The following ARL15 variants were observed in gnomAD, a reference collection of about 807,000 sequenced individuals.
ARL15 encodes ADP-ribosylation factor-like protein 15.
In ARL15, 19 loss-of-function variants were observed where a neutral mutation model predicts 25.2. The ratio of observed to expected loss-of-function variants is 0.75; its 90% CI spans 0.53 to 1.10. ARL15 has a LOEUF of 1.10. ARL15 is among the 50% of genes least tolerant of loss of function. The pLI, the probability that ARL15 is intolerant of heterozygous loss-of-function variation, is 0.00. For missense variants in ARL15, 220 were observed against 246.0 expected, an observed-to-expected ratio of 0.89 and a Z score of 0.71; for synonymous variants, 94 against 86.8, an observed-to-expected ratio of 1.08 and a Z score of -0.46.
intron 4 of ARL15, among the ~76,000 whole-genome samples, chr5:53,964,399 C>A (rs13175485): frequency 6.6e-6 from 1 of 151,588 alleles, no homozygotes; most frequent in South Asian, 2.1e-4. Flanking sequence ...TAGCTCTGTC[C>A]CCCATGCTGG....
At chr5:54,207,650 CA>C (rs2112498151) in intron 1 of ARL15, among the ~76,000 whole-genome samples, 1 of 152,230 alleles carries the variant, frequency 6.6e-6, no homozygotes, top group South Asian at 2.1e-4. Context: ...AGCAGAAGAA[CA>C]AGTGGTAACT....
At chr5:54,307,756 A>T (rs1031024108) in intron 1 of ARL15, 5 of 152,206 alleles carry the variant, frequency 3.3e-5, no homozygotes, top group African/African-American at 1.2e-4. Context: ...AAGAACAATG[A>T]ACAATAGATA....
intron 1 of ARL15, among the ~76,000 whole-genome samples, chr5:54,282,728 A>G (rs894781117): frequency 6.6e-6 from 1 of 152,218 alleles, no homozygotes; most frequent in Non-Finnish European, 1.5e-5. Flanking sequence ...ATAAAAGTCT[A>G]TAATCCTTAT....
At chr5:53,991,863 T>C (rs78777524) in intron 4 of ARL15, among the ~76,000 whole-genome samples, 3,326 of 152,108 alleles carry the variant, frequency 0.022, 148 homozygotes, top group African/African-American at 0.076. Flanking sequence ...AAACAACTAC[T>C]AAGGAGCTGT....
intron 4 of ARL15, among the ~76,000 whole-genome samples, chr5:54,078,902 G>C (rs1751699504): frequency 6.6e-6 from 1 of 152,018 alleles, no homozygotes; most frequent in Admixed American, 6.6e-5. Flanking sequence ...TAGTAGTAAA[G>C]TATCGCTTAA....
At chr5:54,220,298 A>T (rs1756334701) in intron 1 of ARL15, among the ~76,000 whole-genome samples, 1 of 152,138 alleles carries the variant, frequency 6.6e-6, no homozygotes, top group Non-Finnish European at 1.5e-5. Flanking sequence ...TGATTTATTT[A>T]TCTCCACTCC....
intron 4 of ARL15, among the ~76,000 whole-genome samples, chr5:54,041,508 T>C (rs1251986642): frequency 6.6e-6 from 1 of 152,136 alleles, no homozygotes; most frequent in South Asian, 2.1e-4. Context: ...AAGGACAGGA[T>C]AGGTTAATAG....
intron 4 of ARL15, among the ~76,000 whole-genome samples, chr5:53,902,089 C>T (rs2111942396): frequency 6.6e-6 from 1 of 152,328 alleles, no homozygotes; most frequent in Non-Finnish European, 1.5e-5. Context: ...CGTTAGCTGA[C>T]AAATGAACAA....
chr5:54,191,110 C>G (rs186119185), intron 1 of ARL15, among the ~76,000 whole-genome samples: 4 of 151,926 alleles, frequency 2.6e-5, no homozygotes, highest in Admixed American at 2.6e-4. Context: ...TACATATAAT[C>G]GATTACTATT....
rs573072383 is a variant in ARL15, at chr5:54,208,096, T to G, written c.49-36168A>C. 1.3e-3 allele frequency among the ~76,000 whole-genome samples: 193 copies of G among 152,252 alleles called. 1 individual carries two copies. The highest frequency in any genetic ancestry group is 4.6e-3 in the African/African-American group (190 of 41,558). On this transcript the variant is annotated intron_variant, in intron 1 of 4. Coordinates refer to ENST00000504924, the MANE Select transcript of ARL15 (RefSeq NM_019087.3). ...ATTCTCCAGGTGGGAGCCTGAAAGA[T>G]TCTTCTTTGGAATATCTAACTACCC...
At chr5:54,161,998 T>TAG (rs1554044517) in intron 2 of ARL15, among the ~76,000 whole-genome samples, 5 of 144,566 alleles carry the variant, frequency 3.5e-5, no homozygotes, top group Non-Finnish European at 6.0e-5. Flanking sequence ...CACACACACA[T>TAG]ACACACACAC....
rs976774651 is a variant in ARL15 at position 54,223,177 on chromosome 5, C to G, written c.49-51249G>C. ...TGGAAGGGTAAATGTCCTCCCTCCT[C>G]CTTTCATGAGAACACTAAACCATCC... On this transcript the variant is annotated intron_variant, in intron 1 of 4. Coordinates refer to ENST00000504924, the MANE Select transcript of ARL15 (RefSeq NM_019087.3). 1.2e-4 allele frequency among the ~76,000 whole-genome samples: 18 copies of G among 151,866 alleles called. No individual in the cohort carries two copies. The South Asian group carries it at 2.9e-3, about 25-fold the overall frequency.
chr5:53,914,225 T>C (rs1292636804), intron 4 of ARL15, among the ~76,000 whole-genome samples: 1 of 152,040 alleles, frequency 6.6e-6, no homozygotes, highest in Non-Finnish European at 1.5e-5. Context: ...GATCTCCTTC[T>C]CTGAGGAAAG....
At chr5:54,282,802 T>C (rs1758093522) in intron 1 of ARL15, among the ~76,000 whole-genome samples, 1 of 152,188 alleles carries the variant, frequency 6.6e-6, no homozygotes, top group Non-Finnish European at 1.5e-5. Context: ...AAGTTATGAA[T>C]GGGCTAAATT....
intron 4 of ARL15, among the ~76,000 whole-genome samples, chr5:54,099,631 T>C (rs1313126869): frequency 1.3e-5 from 2 of 152,126 alleles, no homozygotes; most frequent in Non-Finnish European, 2.9e-5. Flanking sequence ...AGCACTCCCA[T>C]GACACTTACT....
intron 2 of ARL15, among the ~76,000 whole-genome samples, chr5:54,166,551 G>A (rs1754574031): frequency 6.6e-6 from 1 of 151,960 alleles, no homozygotes; most frequent in Non-Finnish European, 1.5e-5. Flanking sequence ...GGATCTGTAG[G>A]TGTAGAGTTT....
chr5:53,999,555 C>A (rs1748788653), intron 4 of ARL15, among the ~76,000 whole-genome samples: 1 of 151,948 alleles, frequency 6.6e-6, no homozygotes, highest in Non-Finnish European at 1.5e-5. Context: ...CGTGCCACTG[C>A]ACTCCAACTT....
At chr5:54,068,011 C>A (rs1418230914) in intron 4 of ARL15, among the ~76,000 whole-genome samples, 1 of 152,174 alleles carries the variant, frequency 6.6e-6, no homozygotes, top group Non-Finnish European at 1.5e-5. Context: ...AGTGTCAGCA[C>A]TTCAAAGACA....
chr5:53,933,442 G>C (rs1165480648), intron 4 of ARL15, among the ~76,000 whole-genome samples: 4 of 151,956 alleles, frequency 2.6e-5, no homozygotes, highest in Non-Finnish European at 5.9e-5. Context: ...TCAGGAGATC[G>C]AGACCATTCT....
Sources: allele counts gnomAD v4.1 joint callset (sites outside exome capture counted in the v4.1 genomes callset), GRCh38; gene constraint gnomAD v4.1.1; transcripts MANE v1.5; gene names NCBI Gene and HGNC (gene_info 2026-07-23, HGNC 2026-07-21).